DDAH1: variants seen among roughly 807,000 people sequenced by gnomAD.
DDAH1 encodes the protein dimethylarginine dimethylaminohydrolase 1.
In DDAH1, 19 loss-of-function variants were observed where a neutral mutation model predicts 28.8. The ratio of observed to expected loss-of-function variants is 0.66; its 90% CI spans 0.46 to 0.97. The LOEUF is 0.97. Among genes scored for constraint, DDAH1 ranks in the 50% least tolerant of loss-of-function variants. The pLI, the probability that DDAH1 is intolerant of heterozygous loss-of-function variation, is 0.00. For missense variants in DDAH1, 326 were observed against 375.9 expected (o/e 0.87, Z 1.10); for synonymous variants, 153 against 154.4 (o/e 0.99, Z 0.07).
At chr1:85,440,170 A>G (rs1027205149) in intron 1 of DDAH1, among the ~76,000 whole-genome samples, 6 of 152,234 alleles carry the variant, frequency 3.9e-5, no homozygotes, top group African/African-American at 1.4e-4. Flanking sequence ...TCTGATATTT[A>G]TGAGCATTAA....
chr1:85,431,417 T>G (rs894717793), intron 1 of DDAH1, among the ~76,000 whole-genome samples: 1 of 152,186 alleles, frequency 6.6e-6, no homozygotes, highest in Non-Finnish European at 1.5e-5. Flanking sequence ...GACAAACACT[T>G]CACCTTCTTT....
At chr1:85,360,695 C>T (rs1383479920) in intron 1 of DDAH1, among the ~76,000 whole-genome samples, 1 of 152,168 alleles carries the variant, frequency 6.6e-6, no homozygotes, top group African/African-American at 2.4e-5. Context: ...TGCAACATTT[C>T]AACTCAGGAA....
intron 1 of DDAH1, among the ~76,000 whole-genome samples, chr1:85,457,834 C>T (rs746505743): frequency 2.6e-5 from 4 of 152,082 alleles, no homozygotes; most frequent in Non-Finnish European, 4.4e-5. Flanking sequence ...GGACTACAGG[C>T]GCCTGCCAGC....
chr1:85,426,724 A>C (rs1038089927), intron 1 of DDAH1, among the ~76,000 whole-genome samples: 1 of 151,950 alleles, frequency 6.6e-6, no homozygotes, highest in African/African-American at 2.4e-5. Flanking sequence ...CCTGGGCAAC[A>C]TAGTGAGACC....
intron 1 of DDAH1, among the ~76,000 whole-genome samples, chr1:85,535,238 A>G (rs1288759739): frequency 6.6e-6 from 1 of 151,930 alleles, no homozygotes; most frequent in Non-Finnish European, 1.5e-5. Flanking sequence ...GCTTTCTTTC[A>G]CCTTTGGGCA....
chr1:85,521,392 TTTGCCCC>T (rs1437104185), intron 1 of DDAH1, among the ~76,000 whole-genome samples: 3 of 151,656 alleles, frequency 2.0e-5, no homozygotes, highest in Non-Finnish European at 2.9e-5. Flanking sequence ...CTCATCCCAT[TTTGCCCC>T]AACACTGTGG....
At chr1:85,512,449 A>T (rs929064390) in intron 1 of DDAH1, among the ~76,000 whole-genome samples, 19 of 152,326 alleles carry the variant, frequency 1.2e-4, no homozygotes, top group Middle Eastern at 6.8e-3. Flanking sequence ...CAAGACAGGG[A>T]TGCCCTCTCT....
At chr1:85,402,885 G>A (rs1335566209) in intron 1 of DDAH1, among the ~76,000 whole-genome samples, 3 of 147,970 alleles carry the variant, frequency 2.0e-5, no homozygotes, top group Admixed American at 6.8e-5. Flanking sequence ...CTCCAGCCTG[G>A]GTGACAGAGC....
At chr1:85,454,715 T>C (rs767655395) in intron 1 of DDAH1, among the ~76,000 whole-genome samples, 1 of 152,156 alleles carries the variant, frequency 6.6e-6, no homozygotes, top group Non-Finnish European at 1.5e-5. Context: ...TCTATTACAA[T>C]AAAAATGAAA....
intron 1 of DDAH1, among the ~76,000 whole-genome samples, chr1:85,575,206 G>A (rs1384480445): frequency 1.3e-5 from 2 of 152,164 alleles, no homozygotes; most frequent in Admixed American, 6.5e-5. Flanking sequence ...ACTCTAGCCT[G>A]GGTGACAGAA....
intron 1 of DDAH1, among the ~76,000 whole-genome samples, chr1:85,499,557 C>T (rs952127708): frequency 6.6e-6 from 1 of 152,138 alleles, no homozygotes; most frequent in Non-Finnish European, 1.5e-5. Flanking sequence ...TGCCTGTAAT[C>T]CCACCTACTT....
Position 85,464,571 on chromosome 1 carries a change from ACTT to A in DDAH1, c.303+169_303+171del. On this transcript the variant is annotated intron_variant, in intron 1 of 5. Coordinates refer to ENST00000284031, the MANE Select transcript of DDAH1 (RefSeq NM_012137.4). This position sits in a 1 kb window ranked among gnomAD's most constrained non-coding sequence, Gnocchi z 4.4. ...GGCAGCCGGGAGGTGTGAACAATGA[ACTT>A]CTCTCTGACTCTCTGACACACACAC... 1.3e-6 allele frequency: 2 copies of A among 1,524,668 alleles called. No individual in the cohort carries two copies. Among genetic ancestry groups the A allele is most frequent in the Non-Finnish European group, 1.8e-6 (2 of 1,142,342 alleles). The allele number at this position is 1,524,668 out of a possible 1,614,324, so 94.4% of individuals were successfully genotyped here.
chr1:85,402,057 C>G (rs542654197), intron 1 of DDAH1, among the ~76,000 whole-genome samples: 1 of 152,168 alleles, frequency 6.6e-6, no homozygotes, highest in Admixed American at 6.5e-5. Flanking sequence ...GCAATCACAG[C>G]TCACTACAGC....
At chr1:85,337,444 A>T (rs1648205939) in intron 4 of DDAH1, among the ~76,000 whole-genome samples, 2 of 151,932 alleles carry the variant, frequency 1.3e-5, no homozygotes, top group Non-Finnish European at 2.9e-5. Flanking sequence ...AAATTATGTC[A>T]CAATAAAACT....
At chr1:85,554,531 T>A in intron 1 of DDAH1, among the ~76,000 whole-genome samples, 1 of 152,328 alleles carries the variant, frequency 6.6e-6, no homozygotes, top group East Asian at 1.9e-4. Context: ...ATGTAAATAT[T>A]AAGATTCCTT....
In DDAH1 at chr1:85,410,664, G is replaced by A. The variant is rs188249657; in HGVS notation, c.304-51817C>T. On this transcript the variant is annotated intron_variant, in intron 1 of 5. Transcript: ENST00000284031. ...AAAAAAAAAAAAAAATGGAAATGAG[G>A]TTAACATTGAATATTCTGGGGTTCA... Among the ~76,000 whole-genome samples the A allele has an allele frequency of 4.6e-5, 7 of 151,618 alleles. 1 individual carries two copies. The South Asian group carries it at 1.2e-3, about 27-fold the overall frequency.
upstream of DDAH1, among the ~76,000 whole-genome samples, chr1:85,468,993 A>T (rs1655521136): frequency 6.6e-6 from 1 of 152,184 alleles, no homozygotes. Flanking sequence ...ACACAGTCAA[A>T]CCATATCACT....
intron 4 of DDAH1, among the ~76,000 whole-genome samples, chr1:85,331,144 A>T (rs1379587805): frequency 6.6e-6 from 1 of 152,238 alleles, no homozygotes; most frequent in Non-Finnish European, 1.5e-5. Context: ...GGCAAGTTGC[A>T]TTAACAACCA....
intron 1 of DDAH1, among the ~76,000 whole-genome samples, chr1:85,571,882 G>C (rs747662952): frequency 1.5e-5 from 2 of 130,660 alleles, no homozygotes; most frequent in African/African-American, 5.8e-5. Flanking sequence ...CTGGCACTAT[G>C]TTTTTTCTTT....
Sources: allele counts gnomAD v4.1 joint callset (sites outside exome capture counted in the v4.1 genomes callset), GRCh38; gene constraint gnomAD v4.1.1; non-coding constraint Gnocchi (gnomAD v3.1); transcripts MANE v1.5; gene names NCBI Gene and HGNC (gene_info 2026-07-23, HGNC 2026-07-21).